The following RCOR3 variants were observed in gnomAD, a reference collection of about 807,000 sequenced individuals.
RCOR3 encodes the protein REST corepressor 3.
RCOR3 carries 13 observed loss-of-function variants against 64.1 expected under a neutral mutation model. That is an observed-to-expected ratio of 0.20 (90% confidence interval 0.13 to 0.32). The LOEUF (loss-of-function observed/expected upper bound fraction) is 0.32. Ranked by LOEUF, RCOR3 falls within the 10% of genes least tolerant of loss-of-function variation. The pLI is 1.00. For synonymous variants in RCOR3, 215 were observed against 239.0 expected (o/e 0.90, Z 0.93); for missense variants, 489 against 701.2 (o/e 0.70, Z 3.42).
intron 7 of RCOR3, among the ~76,000 whole-genome samples, chr1:211,284,234 T>C (rs866174859): frequency 2.0e-5 from 3 of 151,376 alleles, no homozygotes; most frequent in African/African-American, 4.8e-5. Context: ...TTTTTTTGTT[T>C]GTTTGTTTGT....
intron 2 of RCOR3, among the ~76,000 whole-genome samples, chr1:211,269,617 A>G (rs1174098272): frequency 2.0e-5 from 3 of 152,276 alleles, no homozygotes; most frequent in African/African-American, 4.8e-5. Flanking sequence ...AGTGGCAGCA[A>G]TGCTTCATTT....
In RCOR3 at chr1:211,316,106, A is replaced by G. The variant is rs563972598; in HGVS notation, c.*2338A>G. Reference sequence around the variant, plus strand: ...AAATTCGAAATAATGATTTTTATAAAAGCAAAACTAGAAATCTTTTAATGA... The same window carrying G: ...AAATTCGAAATAATGATTTTTATAAGAGCAAAACTAGAAATCTTTTAATGA... On this transcript the variant is annotated 3_prime_UTR_variant, in exon 12 of 12. Coordinates refer to ENST00000419091, the MANE Select transcript of RCOR3 (RefSeq NM_001136223.3). The G allele has an allele frequency of 7.9e-5, 12 of 152,322 alleles. No individual in the cohort carries two copies. Among genetic ancestry groups the G allele is most frequent in the African/African-American group, 2.6e-4 (11 of 41,574 alleles). The allele number at this position is 152,322 out of a possible 1,614,324, so 9.4% of individuals were successfully genotyped here.
chr1:211,280,747 G>A, intron 7 of RCOR3, among the ~76,000 whole-genome samples: 1 of 152,174 alleles, frequency 6.6e-6, no homozygotes, highest in Admixed American at 6.5e-5. Flanking sequence ...ACTTCGGGAG[G>A]CCAAGGCAGG....
chr1:211,310,803 GAGTT>G (rs1701401572), intron 10 of RCOR3, among the ~76,000 whole-genome samples: 1 of 152,174 alleles, frequency 6.6e-6, no homozygotes, highest in African/African-American at 2.4e-5. Flanking sequence ...CTTGGAGTCA[GAGTT>G]AGTTTTAATG....
chr1:211,260,251 C>A, intron 2 of RCOR3, 87 bp downstream of exon 2: 1 of 1,052,414 alleles, frequency 9.5e-7, no homozygotes, highest in Non-Finnish European at 1.4e-6. Context: ...GGCATGGGGC[C>A]GGGAGGGGAT....
At chr1:211,287,382 C>T (rs549080633) in intron 7 of RCOR3, among the ~76,000 whole-genome samples, 1 of 152,330 alleles carries the variant, frequency 6.6e-6, no homozygotes, top group South Asian at 2.1e-4. Context: ...ACTTGATTCT[C>T]CCTCTGGATT....
chr1:211,291,764 A>G (rs1188407818), intron 8 of RCOR3, among the ~76,000 whole-genome samples: 1 of 151,856 alleles, frequency 6.6e-6, no homozygotes, highest in African/African-American at 2.4e-5. Flanking sequence ...TTATTCTCCA[A>G]CCCTTTCTAA....
chr1:211,298,331 A>G (rs185025644), intron 9 of RCOR3, among the ~76,000 whole-genome samples: 1 of 152,310 alleles, frequency 6.6e-6, no homozygotes, highest in Non-Finnish European at 1.5e-5. Context: ...TTTGAAGGAT[A>G]AGAGGGATTT....
At chr1:211,290,671 C>T (rs548751660) in intron 8 of RCOR3, among the ~76,000 whole-genome samples, 2 of 152,244 alleles carry the variant, frequency 1.3e-5, no homozygotes, top group East Asian at 1.9e-4. Context: ...CCACCACGCT[C>T]GGCCTCTTGT....
chr1:211,268,379 T>G (rs1259896111), intron 2 of RCOR3, among the ~76,000 whole-genome samples: 1 of 137,940 alleles, frequency 7.2e-6, no homozygotes, highest in African/African-American at 2.7e-5. Context: ...CTTTTTTTTT[T>G]TTTTTTTTTT....
In RCOR3 at chr1:211,296,238, A is replaced by G. The variant is rs189674855; in HGVS notation, c.1017+485A>G. ...TTAGTATGTGGACTTACATTCTTGT[A>G]CTTACAAAAACAAGGTATAGATTGA... On this transcript the variant is annotated intron_variant, in intron 9 of 11. Transcript: ENST00000419091. Among the ~76,000 whole-genome samples, 279 of 152,300 alleles carry G rather than the reference A, an allele frequency of 1.8e-3. 1 individual carries two copies. The highest frequency in any genetic ancestry group is 2.1e-3 in the Non-Finnish European group (143 of 68,010).
chr1:211,274,308 C>T (rs1392611237), intron 4 of RCOR3, 46 bp downstream of exon 4: 1 of 1,311,092 alleles, frequency 7.6e-7, no homozygotes, highest in East Asian at 2.4e-5. Flanking sequence ...CCAATATTTA[C>T]CAAATCTAGA....
intron 7 of RCOR3, among the ~76,000 whole-genome samples, chr1:211,282,316 A>T (rs958594124): frequency 6.6e-6 from 1 of 152,196 alleles, no homozygotes; most frequent in Non-Finnish European, 1.5e-5. Context: ...GAAAGAAACT[A>T]CATTATTGCT....
intron 2 of RCOR3, among the ~76,000 whole-genome samples, chr1:211,261,923 C>CAAAAAA (rs1158597755): frequency 0.017 from 579 of 34,110 alleles, 172 homozygotes; most frequent in African/African-American, 0.064. Flanking sequence ...GACTCCATCT[C>CAAAAAA]AAAAAAAAAA....
At chr1:211,271,186 G>A in intron 2 of RCOR3, 46 bp from the exon 3 acceptor site, 3 of 1,542,484 alleles carry the variant, frequency 1.9e-6, no homozygotes, top group Non-Finnish European at 2.7e-6. Context: ...TATTTTCAGT[G>A]TAAATAAAAT....
Position 211,315,562 on chromosome 1 carries a change from A to G in RCOR3, c.*1794A>G, listed in dbSNP as rs1413802974. 2.0e-5 allele frequency: 3 copies of G among 152,264 alleles called. No individual in the cohort carries two copies. The highest frequency in any genetic ancestry group is 4.8e-5 in the African/African-American group (2 of 41,478). 9.4% of individuals were successfully genotyped at this position (152,264 alleles called of 1,614,324 possible). A position where few individuals can be genotyped will look rare whatever the true frequency, so the allele number is the denominator to read the frequency against. ...TAAAAGCCACAGGGGACAGTTAAATATCTTAAAATATCTAAAACATTTTTT... is the reference window on the plus strand; with the variant it reads ...TAAAAGCCACAGGGGACAGTTAAATGTCTTAAAATATCTAAAACATTTTTT... On this transcript the variant is annotated 3_prime_UTR_variant, in exon 12 of 12. Coordinates refer to ENST00000419091, the MANE Select transcript of RCOR3 (RefSeq NM_001136223.3).
At chr1:211,301,089 T>C (rs1482636127) in intron 9 of RCOR3, among the ~76,000 whole-genome samples, 1 of 151,814 alleles carries the variant, frequency 6.6e-6, no homozygotes, top group Non-Finnish European at 1.5e-5. Context: ...TCAAGAGTAA[T>C]CTTGAAAAAA....
Position 211,313,494 on chromosome 1 carries a change from C to CAG in RCOR3, c.1389_1390dup (p.Ala464GlufsTer7). 6.2e-7 allele frequency: 1 copy of CAG among 1,614,160 alleles called. No individual in the cohort carries two copies. The highest frequency in any genetic ancestry group is 8.5e-7 in the Non-Finnish European group (1 of 1,180,032). ...GCCCCATCATCCACTCCAACACCAA[C>CAG]AGCCCCTATTGCCACTCTGAACCAG... is the stretch of plus-strand genomic sequence containing the variant. On this transcript the variant is annotated frameshift_variant, in exon 12 of 12. Coordinates refer to ENST00000419091, the MANE Select transcript of RCOR3 (RefSeq NM_001136223.3). LOFTEE classifies it high-confidence loss of function. The surrounding 1 kb of genome is among the most constrained non-coding windows in gnomAD (Gnocchi z 4.7).
intron 7 of RCOR3, among the ~76,000 whole-genome samples, chr1:211,284,033 ATTTAT>A (rs1553256072): frequency 1.3e-5 from 2 of 150,726 alleles, no homozygotes; most frequent in East Asian, 1.9e-4. Flanking sequence ...TTTATTATTT[ATTTAT>A]TTTATTTTAT....
Sources: gnomAD v4.1 joint callset for allele counts (sites outside exome capture counted in the v4.1 genomes callset) on GRCh38, gnomAD v4.1.1 for gene constraint, Gnocchi (gnomAD v3.1) non-coding constraint, MANE v1.5 for transcripts, NCBI Gene and HGNC (gene_info 2026-07-23, HGNC 2026-07-21) for gene names.